The following SCEL variants were observed in gnomAD, a reference collection of about 807,000 sequenced individuals.
The protein encoded by SCEL is sciellin.
A neutral mutation model predicts 117.6 loss-of-function variants in SCEL; 113 were observed. The ratio of observed to expected loss-of-function variants is 0.96; its 90% CI spans 0.83 to 1.12. SCEL has a LOEUF of 1.12. Ranked by LOEUF, SCEL falls within the 50% of genes most tolerant of loss-of-function variation. The pLI is 0.00. For synonymous variants in SCEL, 270 were observed against 256.2 expected, an observed-to-expected ratio of 1.05 and a Z score of -0.51; for missense variants, 785 against 810.8, an observed-to-expected ratio of 0.97 and a Z score of 0.39.
chr13:77,556,617 G>A lies in SCEL; in HGVS notation c.65G>A (p.Gly22Glu), dbSNP rs570261234. The change falls in exon 3 of 33, where the codon GGA (glycine) becomes GAA (glutamate). Residue 22 changes from glycine to glutamate, a missense_variant. Physicochemically the swap from Gly to Glu is moderately conservative, Grantham distance 98. Coordinates refer to ENST00000349847, the MANE Select transcript of SCEL (RefSeq NM_144777.3). ...ATAGAGATGAAGAGCACCACTCAGG[G>A]AACCACACGGAAGCAGCAGGATTTT... ...TGNEMKSTTQ[G>E]TTRKQQDFHE... is the part of the protein sequence containing the mutation. 1.3e-4 allele frequency: 213 copies of A among 1,613,914 alleles called. 1 individual carries two copies. In the South Asian group the frequency reaches 2.2e-3, roughly 16 times the overall value.
intron 20 of SCEL, among the ~76,000 whole-genome samples, chr13:77,608,578 C>T (rs182234307): frequency 5.3e-5 from 8 of 152,188 alleles, no homozygotes; most frequent in Admixed American, 3.3e-4. Flanking sequence ...CCAGCCTGGA[C>T]GACAGAGCCA....
chr13:77,565,891 C>T (rs2085261757), intron 5 of SCEL, among the ~76,000 whole-genome samples: 1 of 152,176 alleles, frequency 6.6e-6, no homozygotes, highest in South Asian at 2.1e-4. Context: ...TATAACTTCT[C>T]CTTCGGCTTT....
At chr13:77,622,529 G>A (rs1161780611) in intron 27 of SCEL, among the ~76,000 whole-genome samples, 2 of 152,198 alleles carry the variant, frequency 1.3e-5, no homozygotes, top group Admixed American at 6.5e-5. Flanking sequence ...TGTGGCTTTA[G>A]CTCATAGATA....
intron 1 of SCEL, among the ~76,000 whole-genome samples, chr13:77,548,775 A>G (rs914746182): frequency 6.6e-6 from 1 of 152,166 alleles, no homozygotes; most frequent in African/African-American, 2.4e-5. Context: ...GTCTGCCCTC[A>G]TGTAAGATGT....
chr13:77,554,965 C>T (rs745924361), intron 1 of SCEL, among the ~76,000 whole-genome samples: 12 of 152,242 alleles, frequency 7.9e-5, no homozygotes, highest in Non-Finnish European at 1.0e-4. Context: ...AACTAAGGCA[C>T]ACAAAGGCCC....
chr13:77,627,935 T>A lies in SCEL; in HGVS notation c.1629-12T>A, dbSNP rs550485113. On this transcript the variant is annotated splice_polypyrimidine_tract_variant and intron_variant, in intron 27 of 32. Coordinates refer to ENST00000349847, the MANE Select transcript of SCEL (RefSeq NM_144777.3). ...GTTGTAATTATTCATATATATATATTTTTTTCCTTAGAGACCAGAACCTGG... is the reference window on the plus strand; with the variant it reads ...GTTGTAATTATTCATATATATATATATTTTTCCTTAGAGACCAGAACCTGG... The A allele has an allele frequency of 4.9e-5, 61 of 1,240,248 alleles. 1 individual carries two copies. In the East Asian group the frequency reaches 5.1e-4, roughly 10 times the overall value. 76.8% of individuals were successfully genotyped at this position (1,240,248 alleles called of 1,614,324 possible).
At chr13:77,576,966 C>G (rs1450288222) in intron 9 of SCEL, among the ~76,000 whole-genome samples, 2 of 152,026 alleles carry the variant, frequency 1.3e-5, no homozygotes, top group Non-Finnish European at 2.9e-5. Context: ...GGAATGCTAG[C>G]GATTTTCACA....
At chr13:77,592,904 C>A (rs1017001397) in intron 11 of SCEL, among the ~76,000 whole-genome samples, 2 of 152,098 alleles carry the variant, frequency 1.3e-5, no homozygotes, top group African/African-American at 4.8e-5. Context: ...CTAATTGTTC[C>A]TTTTATGATC....
intron 9 of SCEL, among the ~76,000 whole-genome samples, chr13:77,579,065 A>G (rs1234812406): frequency 3.9e-5 from 6 of 152,144 alleles, no homozygotes; most frequent in African/African-American, 1.4e-4. Flanking sequence ...GTGTAATGAG[A>G]GGTAGGTAGG....
intron 28 of SCEL, among the ~76,000 whole-genome samples, chr13:77,632,700 G>A (rs1431002185): frequency 6.6e-6 from 1 of 152,188 alleles, no homozygotes; most frequent in Admixed American, 6.5e-5. Context: ...CATGGAGGAG[G>A]AAAAGGAGCT....
intron 22 of SCEL, among the ~76,000 whole-genome samples, chr13:77,612,456 C>CTTTTTTTTTTT (rs71102764): frequency 6.8e-4 from 64 of 93,592 alleles, no homozygotes; most frequent in East Asian, 5.2e-3. Flanking sequence ...TTTTTCTTTT[C>CTTTTTTTTTTT]TTTTTTTTTT....
At chr13:77,578,339 G>A (rs933794180) in intron 9 of SCEL, among the ~76,000 whole-genome samples, 6 of 152,046 alleles carry the variant, frequency 3.9e-5, no homozygotes, top group African/African-American at 1.4e-4. Context: ...AAAGGGAGGA[G>A]GGGGAAGGAA....
rs2086721572 is a variant in SCEL at position 77,589,088 on chromosome 13, T to C, written c.546-56T>C. ...GCAATAAATGCATTCAGTTAATAGA[T>C]GCTAAAATTTACCATGTTTCCATGG... On this transcript the variant is annotated intron_variant, in intron 9 of 32. Coordinates refer to ENST00000349847, the MANE Select transcript of SCEL (RefSeq NM_144777.3). 5 of 1,279,504 alleles carry C rather than the reference T, an allele frequency of 3.9e-6. No homozygotes were observed. In the Admixed American group the frequency reaches 7.0e-5, roughly 18 times the overall value. 79.3% of individuals were successfully genotyped at this position (1,279,504 alleles called of 1,614,324 possible).
At chr13:77,593,595 G>T in intron 12 of SCEL, 22 bp downstream of exon 12, 1 of 1,602,186 alleles carries the variant, frequency 6.2e-7, no homozygotes, top group South Asian at 1.1e-5. Context: ...GAGCTTTTGA[G>T]CTTGGGTTTT....
intron 16 of SCEL, 107 bp downstream of exon 16, chr13:77,602,231 A>G (rs1023979011): frequency 1.1e-6 from 1 of 872,970 alleles, no homozygotes; most frequent in Non-Finnish European, 1.8e-6. Flanking sequence ...GAACTCTTGT[A>G]CTGCTTTGAC....
chr13:77,627,005 G>A (rs1682166671), intron 27 of SCEL, among the ~76,000 whole-genome samples: 1 of 151,932 alleles, frequency 6.6e-6, no homozygotes, highest in Non-Finnish European at 1.5e-5. Context: ...ACATACCAGA[G>A]GATCTTGTAT....
At chr13:77,606,325 G>A (rs375279763) in intron 19 of SCEL, among the ~76,000 whole-genome samples, 4 of 152,132 alleles carry the variant, frequency 2.6e-5, no homozygotes, top group Admixed American at 6.5e-5. Context: ...GTGTGTGAGC[G>A]TATGCGTAGT....
chr13:77,574,268 A>C (rs1432434288), intron 9 of SCEL, among the ~76,000 whole-genome samples: 1 of 152,190 alleles, frequency 6.6e-6, no homozygotes, highest in Admixed American at 6.5e-5. Context: ...ACTTGGCTCT[A>C]TGCCCTCCCT....
chr13:77,571,673 G>C (rs1357631715), intron 8 of SCEL, among the ~76,000 whole-genome samples: 1 of 150,686 alleles, frequency 6.6e-6, no homozygotes, highest in African/African-American at 2.4e-5. Context: ...TGGGCAACAA[G>C]AGCGAAACTC....
Sources: allele counts gnomAD v4.1 joint callset (sites outside exome capture counted in the v4.1 genomes callset), GRCh38; gene constraint gnomAD v4.1.1; transcripts MANE v1.5; gene names NCBI Gene and HGNC (gene_info 2026-07-23, HGNC 2026-07-21).